GNA12: variants seen among roughly 807,000 people sequenced by gnomAD.
The protein encoded by GNA12 is G protein subunit alpha 12, also known as guanine nucleotide-binding protein subunit alpha-12.
A neutral mutation model predicts 26.0 loss-of-function variants in GNA12; 9 were observed. The ratio of observed to expected loss-of-function variants is 0.35; its 90% CI spans 0.21 to 0.60. The LOEUF is 0.60. GNA12 is among the 20% of genes least tolerant of loss of function. GNA12 has a pLI of 0.78. For missense variants in GNA12, 405 were observed against 525.8 expected (o/e 0.77, Z 2.25); for synonymous variants, 264 against 219.6 (o/e 1.20, Z -1.79).
intron 2 of GNA12, among the ~76,000 whole-genome samples, chr7:2,735,096 A>C (rs546117277): frequency 7.3e-6 from 1 of 137,406 alleles, no homozygotes; most frequent in Admixed American, 7.6e-5. Context: ...AGCTGGGAGA[A>C]GCCGTTGGGT....
At chr7:2,788,561 A>G (rs1583282440) in intron 2 of GNA12, among the ~76,000 whole-genome samples, 1 of 152,254 alleles carries the variant, frequency 6.6e-6, no homozygotes, top group East Asian at 1.9e-4. Flanking sequence ...AAAAACAATA[A>G]GTAGTTCCAC....
At chr7:2,816,397 A>T (rs1004535789) in intron 1 of GNA12, among the ~76,000 whole-genome samples, 1 of 152,038 alleles carries the variant, frequency 6.6e-6, no homozygotes, top group Admixed American at 6.6e-5. Flanking sequence ...TGCCCAGCTA[A>T]TTTTTGTATT....
chr7:2,824,314 C>T (rs1015182906), intron 1 of GNA12, among the ~76,000 whole-genome samples: 7 of 152,148 alleles, frequency 4.6e-5, no homozygotes, highest in African/African-American at 2.4e-5. Flanking sequence ...AGTTAAGGCC[C>T]GCGTCTTCCC....
chr7:2,735,784 G>A (rs1051106533), intron 2 of GNA12, among the ~76,000 whole-genome samples: 1 of 152,172 alleles, frequency 6.6e-6, no homozygotes, highest in Admixed American at 6.5e-5. Flanking sequence ...CTAGTTTCAT[G>A]TCAGGGCGGC....
chr7:2,840,452 C>T lies in GNA12; in HGVS notation c.309+3401G>A, dbSNP rs538774414. 2.6e-5 allele frequency among the ~76,000 whole-genome samples: 4 copies of T among 152,300 alleles called. No homozygotes were observed. The South Asian group carries it at 6.2e-4, about 24-fold the overall frequency. On this transcript the variant is annotated intron_variant, in intron 1 of 3. Transcript: ENST00000275364. The stretch of plus-strand genomic sequence containing the variant: ...GGCACGATGTGTACAGCACACAGTC[C>T]GTGCTCTAGAAGGAGCCTGTCAACA...
At chr7:2,773,816 G>C (rs1324041738) in intron 2 of GNA12, among the ~76,000 whole-genome samples, 1 of 152,172 alleles carries the variant, frequency 6.6e-6, no homozygotes, top group Non-Finnish European at 1.5e-5. Context: ...ACAGGTTCTT[G>C]AATACCTACA....
intron 2 of GNA12, among the ~76,000 whole-genome samples, chr7:2,760,765 CA>C (rs770056462): frequency 3.9e-5 from 6 of 152,372 alleles, no homozygotes; most frequent in Middle Eastern, 3.4e-3. Flanking sequence ...CCTCTAGGGA[CA>C]GCGTCGAGCT....
At chr7:2,806,489 AAAG>A (rs1792953414) in intron 1 of GNA12, among the ~76,000 whole-genome samples, 1 of 151,686 alleles carries the variant, frequency 6.6e-6, no homozygotes, top group South Asian at 2.1e-4. Flanking sequence ...GAAAAAGAAA[AAAG>A]AAGAAAGAAC....
chr7:2,832,909 G>A (rs970162130), intron 1 of GNA12, among the ~76,000 whole-genome samples: 7 of 152,082 alleles, frequency 4.6e-5, no homozygotes, highest in African/African-American at 1.7e-4. Context: ...CAAAGCAGAC[G>A]TTCCAAATGC....
intron 1 of GNA12, among the ~76,000 whole-genome samples, chr7:2,832,932 G>C (rs777253036): frequency 6.6e-6 from 1 of 152,200 alleles, no homozygotes; most frequent in African/African-American, 2.4e-5. Context: ...TTGGTCAACA[G>C]AATCAACCAG....
Position 2,821,950 on chromosome 7 carries a change from T to C in GNA12, c.309+21903A>G, listed in dbSNP as rs566250595. Among the ~76,000 whole-genome samples the C allele has an allele frequency of 1.1e-4, 17 of 152,342 alleles. No individual in the cohort carries two copies. The East Asian group carries it at 3.3e-3, about 29-fold the overall frequency. ...CTCAAATGCCTACTATGTGCTGCCA[T>C]GGTGCCAGGCCCTAGGGACACAGGG... On this transcript the variant is annotated intron_variant, in intron 1 of 3. Transcript: ENST00000275364.
intron 2 of GNA12, among the ~76,000 whole-genome samples, chr7:2,766,549 C>A (rs1791809921): frequency 6.6e-6 from 1 of 152,058 alleles, no homozygotes; most frequent in Admixed American, 6.6e-5. Context: ...CCATGCCCAG[C>A]TAATTTTTGT....
At position 2,760,196 on chromosome 7, in the gene GNA12, T is replaced by C. The variant is rs374700315; in HGVS notation, c.526-26695A>G. On this transcript the variant is annotated intron_variant, in intron 2 of 3. Transcript: ENST00000275364. ...CCTCTGCCTGGGGAAGGAGTGGAGA[T>C]TGAAGACACACCCAACGCGTGCAGA... 2.2e-4 allele frequency: 33 copies of C among 152,364 alleles called. No homozygotes were observed. In the East Asian group the frequency reaches 3.3e-3, roughly 15 times the overall value. The allele number at this position is 152,364 out of a possible 1,614,324, so 9.4% of individuals were successfully genotyped here.
intron 2 of GNA12, chr7:2,762,606 T>A (rs1420442579): frequency 6.5e-7 from 1 of 1,527,568 alleles, no homozygotes; most frequent in Non-Finnish European, 8.8e-7. Flanking sequence ...AAAAGGACAA[T>A]CCCCTTCCGG....
At chr7:2,790,759 A>G (rs543247782) in intron 2 of GNA12, among the ~76,000 whole-genome samples, 2 of 152,234 alleles carry the variant, frequency 1.3e-5, no homozygotes, top group Non-Finnish European at 2.9e-5. Context: ...GCTAGAGCCC[A>G]GGAGTTTGAG....
chr7:2,807,162 G>A (rs1792969553), intron 1 of GNA12, among the ~76,000 whole-genome samples: 1 of 152,088 alleles, frequency 6.6e-6, no homozygotes, highest in Admixed American at 6.6e-5. Context: ...ACTAGCAACT[G>A]AAAATGAGGA....
rs948029579 is a variant in GNA12 at position 2,779,691 on chromosome 7, G to A, written c.525+15237C>T. On this transcript the variant is annotated intron_variant, in intron 2 of 3. Coordinates refer to ENST00000275364, the MANE Select transcript of GNA12 (RefSeq NM_007353.3). ...TTGGCTCACTACAACTTCAGCCTCCGGGGTTCAAGTGATTCTCATGCTGCA... is the reference window on the plus strand; with the variant it reads ...TTGGCTCACTACAACTTCAGCCTCCAGGGTTCAAGTGATTCTCATGCTGCA... 4.6e-5 allele frequency among the ~76,000 whole-genome samples: 7 copies of A among 151,902 alleles called. No homozygotes were observed. The South Asian group carries it at 6.2e-4, about 14-fold the overall frequency.
At chr7:2,772,038 G>A (rs1286877676) in intron 2 of GNA12, among the ~76,000 whole-genome samples, 1 of 152,192 alleles carries the variant, frequency 6.6e-6, no homozygotes, top group East Asian at 1.9e-4. Context: ...CGTCGACTGA[G>A]CATCTTTTCA....
chr7:2,784,568 C>G (rs1399133367), intron 2 of GNA12, among the ~76,000 whole-genome samples: 2 of 152,204 alleles, frequency 1.3e-5, no homozygotes, highest in East Asian at 3.8e-4. Context: ...GTACCTACTT[C>G]CTGAGACCCA....
Sources: gnomAD v4.1 joint callset for allele counts (sites outside exome capture counted in the v4.1 genomes callset) on GRCh38, gnomAD v4.1.1 for gene constraint, MANE v1.5 for transcripts, NCBI Gene and HGNC (gene_info 2026-07-23, HGNC 2026-07-21) for gene names.